Variants in SHISA6 observed in about 807,000 individuals in gnomAD.
The protein encoded by SHISA6 is shisa family member 6.
A neutral mutation model predicts 47.9 loss-of-function variants in SHISA6; 22 were observed. The observed-to-expected ratio is 0.46, with a 90% CI of 0.33 to 0.66. The LOEUF (loss-of-function observed/expected upper bound fraction) is 0.66. SHISA6 is among the 30% of genes least tolerant of loss of function. The pLI, the probability that SHISA6 is intolerant of heterozygous loss-of-function variation, is 0.02. For missense variants in SHISA6, 680 were observed against 764.6 expected (o/e 0.89, Z 1.30); for synonymous variants, 388 against 337.8 (o/e 1.15, Z -1.63).
intron 3 of SHISA6, among the ~76,000 whole-genome samples, chr17:11,512,488 T>C (rs1402250806): frequency 6.6e-6 from 1 of 152,356 alleles, no homozygotes; most frequent in Non-Finnish European, 1.5e-5. Flanking sequence ...TTACACCTCT[T>C]GAGTCAAAAC....
At chr17:11,509,347 G>C (rs546877950) in intron 3 of SHISA6, among the ~76,000 whole-genome samples, 1 of 152,188 alleles carries the variant, frequency 6.6e-6, no homozygotes, top group Non-Finnish European at 1.5e-5. Context: ...ATCACACATG[G>C]TCCTCTATGC....
chr17:11,361,978 G>A (rs1912303076), intron 2 of SHISA6, among the ~76,000 whole-genome samples: 1 of 152,162 alleles, frequency 6.6e-6, no homozygotes, highest in Admixed American at 6.5e-5. Context: ...TTTCATGGAG[G>A]GAACAGACTA....
intron 3 of SHISA6, among the ~76,000 whole-genome samples, chr17:11,543,383 G>A (rs1597578720): frequency 6.6e-6 from 1 of 152,180 alleles, no homozygotes; most frequent in East Asian, 1.9e-4. Context: ...ATTGTGATGA[G>A]GTGAGACACA....
At chr17:11,247,542 A>G (rs949778726) in intron 1 of SHISA6, among the ~76,000 whole-genome samples, 22 of 152,100 alleles carry the variant, frequency 1.4e-4, no homozygotes, top group African/African-American at 4.3e-4. Context: ...CCTTGATGAT[A>G]TATCACCTCT....
intron 2 of SHISA6, among the ~76,000 whole-genome samples, chr17:11,322,135 T>G (rs909700736): frequency 5.9e-5 from 9 of 152,230 alleles, no homozygotes; most frequent in Non-Finnish European, 1.0e-4. Flanking sequence ...GTAAGGTTTT[T>G]TCAGCAGTAT....
intron 2 of SHISA6, among the ~76,000 whole-genome samples, chr17:11,359,340 T>C (rs1020848601): frequency 3.9e-5 from 6 of 152,224 alleles, no homozygotes; most frequent in Middle Eastern, 3.2e-3. Context: ...TCAGAATATA[T>C]TTGTTTGCAA....
chr17:11,388,816 A>G (rs1309753227), intron 3 of SHISA6, among the ~76,000 whole-genome samples: 3 of 100,380 alleles, frequency 3.0e-5, no homozygotes, highest in East Asian at 3.8e-4. Context: ...ATATATATAT[A>G]TATATATATA....
chr17:11,256,641 T>A (rs1438176720), intron 1 of SHISA6, among the ~76,000 whole-genome samples: 1 of 152,166 alleles, frequency 6.6e-6, no homozygotes, highest in African/African-American at 2.4e-5. Context: ...CTTGGTAGCA[T>A]TTTTTGGTTT....
At chr17:11,545,336 T>C (rs1712378966) in intron 3 of SHISA6, among the ~76,000 whole-genome samples, 1 of 151,984 alleles carries the variant, frequency 6.6e-6, no homozygotes, top group South Asian at 2.1e-4. Flanking sequence ...ATTCACGAAA[T>C]AGCAAAATTA....
chr17:11,509,527 G>A (rs2071526583), intron 3 of SHISA6, among the ~76,000 whole-genome samples: 3 of 152,212 alleles, frequency 2.0e-5, no homozygotes, highest in African/African-American at 7.2e-5. Flanking sequence ...TCCATGAACT[G>A]TGGAGAGCTG....
At chr17:11,329,879 C>T (rs1446360959) in intron 2 of SHISA6, among the ~76,000 whole-genome samples, 2 of 151,986 alleles carry the variant, frequency 1.3e-5, no homozygotes, top group East Asian at 3.9e-4. Flanking sequence ...CAAGGTGCTC[C>T]AGTGATGCTT....
At chr17:11,486,824 C>A (rs1017664972) in intron 3 of SHISA6, among the ~76,000 whole-genome samples, 1 of 152,236 alleles carries the variant, frequency 6.6e-6, no homozygotes, top group Admixed American at 6.5e-5. Context: ...ACACCCACTA[C>A]AGAAGGAGCG....
intron 1 of SHISA6, among the ~76,000 whole-genome samples, chr17:11,252,238 C>T (rs1158276194): frequency 1.3e-5 from 2 of 152,154 alleles, no homozygotes; most frequent in African/African-American, 4.8e-5. Flanking sequence ...GGAGAAGAGT[C>T]GCTGCTTTCT....
At chr17:11,449,893 T>C (rs901133828) in intron 3 of SHISA6, among the ~76,000 whole-genome samples, 13 of 152,214 alleles carry the variant, frequency 8.5e-5, no homozygotes, top group African/African-American at 3.1e-4. Context: ...CTCTTCTTTT[T>C]CTTTTCTTTG....
intron 5 of SHISA6, among the ~76,000 whole-genome samples, chr17:11,557,162 G>C (rs1156912322): frequency 1.3e-5 from 2 of 152,192 alleles, no homozygotes; most frequent in Non-Finnish European, 2.9e-5. Flanking sequence ...CTACAGAGAA[G>C]GTGTTACGAT....
At chr17:11,309,850 A>C (rs1322094374) in intron 2 of SHISA6, among the ~76,000 whole-genome samples, 1 of 152,166 alleles carries the variant, frequency 6.6e-6, no homozygotes, top group Non-Finnish European at 1.5e-5. Context: ...CCCCATTTTC[A>C]AATCTGGAAT....
rs146365779 is a variant in SHISA6 at position 11,362,364 on chromosome 17, T to C, written c.800-17050T>C. On this transcript the variant is annotated intron_variant, in intron 2 of 5. Transcript: ENST00000441885. ...TATGTTGTCCAAGCAGGTCTCAAAC[T>C]CCTGGCCTCAAGTGATCTACATGCC... Among the ~76,000 whole-genome samples, 500 of 152,294 alleles carry C rather than the reference T, an allele frequency of 3.3e-3. 1 individual carries two copies. Among genetic ancestry groups the C allele is most frequent in the African/African-American group, 0.011 (477 of 41,570 alleles).
chr17:11,448,526 T>G (rs1028919554), intron 3 of SHISA6, among the ~76,000 whole-genome samples: 2 of 151,714 alleles, frequency 1.3e-5, no homozygotes, highest in Non-Finnish European at 2.9e-5. Flanking sequence ...AGTAACACCC[T>G]GCCTCTGAAA....
chr17:11,389,466 A>G (rs78709058), intron 3 of SHISA6, among the ~76,000 whole-genome samples: 5,558 of 152,280 alleles, frequency 0.036, 184 homozygotes, highest in Admixed American at 0.087. Context: ...TAGGACACTG[A>G]GGGTCATGAA....
Sources: gnomAD v4.1 joint callset for allele counts (sites outside exome capture counted in the v4.1 genomes callset) on GRCh38, gnomAD v4.1.1 for gene constraint, MANE v1.5 for transcripts, NCBI Gene and HGNC (gene_info 2026-07-23, HGNC 2026-07-21) for gene names.